Variants in EPS8 observed in about 807,000 individuals in gnomAD.
EPS8 encodes the protein EGFR pathway substrate 8, signaling adaptor.
A neutral mutation model predicts 103.8 loss-of-function variants in EPS8; 42 were observed. That is an observed-to-expected ratio of 0.40 (90% CI 0.32 to 0.52). EPS8 has a LOEUF of 0.52. Ranked by LOEUF, EPS8 falls within the 20% of genes least tolerant of loss-of-function variation. The probability of loss-of-function intolerance (pLI) is 0.40; values close to 1 mark genes in which losing one functional copy is unlikely to be tolerated. For missense variants in EPS8, 969 were observed against 1,005.1 expected (o/e 0.96, Z 0.49); for synonymous variants, 344 against 344.6 (o/e 1.00, Z 0.02).
intron 1 of EPS8, among the ~76,000 whole-genome samples, chr12:15,726,965 C>G (rs1428749091): frequency 6.6e-6 from 1 of 152,118 alleles, no homozygotes; most frequent in African/African-American, 2.4e-5. Context: ...GGAAAAGACA[C>G]AGCATAACCA....
intron 15 of EPS8, among the ~76,000 whole-genome samples, chr12:15,643,271 G>T (rs1243628818): frequency 6.6e-6 from 1 of 151,990 alleles, no homozygotes; most frequent in Non-Finnish European, 1.5e-5. Flanking sequence ...GAGAGTTAAG[G>T]GTCTATAACA....
intron 8 of EPS8, among the ~76,000 whole-genome samples, chr12:15,663,935 A>ATAATAAT (rs1248656121): frequency 0.01 from 111 of 11,030 alleles, 1 homozygote; most frequent in Middle Eastern, 0.071. Flanking sequence ...AAAAAAAAAA[A>ATAATAAT]AAAAAAAAAA....
chr12:15,715,146 C>T (rs779607178), intron 1 of EPS8, among the ~76,000 whole-genome samples: 2 of 152,208 alleles, frequency 1.3e-5, no homozygotes, highest in African/African-American at 2.4e-5. Flanking sequence ...CAGTATCACA[C>T]TCCCTTCCCA....
At chr12:15,645,829 C>G (rs1057341598) in intron 15 of EPS8, among the ~76,000 whole-genome samples, 1 of 152,040 alleles carries the variant, frequency 6.6e-6, no homozygotes, top group Non-Finnish European at 1.5e-5. Flanking sequence ...TCAAATGGAA[C>G]CTGATAAAAG....
chr12:15,659,980 T>C (rs1199858719), intron 10 of EPS8, among the ~76,000 whole-genome samples: 2 of 152,196 alleles, frequency 1.3e-5, no homozygotes, highest in East Asian at 3.8e-4. Flanking sequence ...TAAATCCAAC[T>C]ACAAGAATAG....
chr12:15,638,417 C>A (rs1945172816), intron 17 of EPS8, among the ~76,000 whole-genome samples: 1 of 151,986 alleles, frequency 6.6e-6, no homozygotes, highest in African/African-American at 2.4e-5. Context: ...TTGAGCTCAG[C>A]CCAAAATTTT....
intron 14 of EPS8, 92 bp from the exon 15 acceptor site, chr12:15,647,352 G>C: frequency 8.8e-7 from 1 of 1,133,672 alleles, no homozygotes; most frequent in Non-Finnish European, 1.2e-6. Context: ...ACTATATTGT[G>C]ATAAGTTTTC....
intron 1 of EPS8, among the ~76,000 whole-genome samples, chr12:15,724,721 T>G (rs1340962156): frequency 2.0e-5 from 3 of 152,188 alleles, no homozygotes; most frequent in African/African-American, 7.2e-5. Context: ...TCAAGAGATC[T>G]GACAGTTTTA....
chr12:15,635,731 G>C (rs374908830), intron 17 of EPS8, among the ~76,000 whole-genome samples: 2 of 152,084 alleles, frequency 1.3e-5, no homozygotes, highest in African/African-American at 4.8e-5. Context: ...TCTATTTCAT[G>C]ACCAAGCAAA....
chr12:15,742,616 T>C (rs1258427871), intron 1 of EPS8, among the ~76,000 whole-genome samples: 1 of 152,042 alleles, frequency 6.6e-6, no homozygotes, highest in Non-Finnish European at 1.5e-5. Flanking sequence ...CATACACAAA[T>C]CAATAAATGT....
intron 3 of EPS8, among the ~76,000 whole-genome samples, chr12:15,673,921 A>G (rs549074394): frequency 6.6e-6 from 1 of 152,166 alleles, no homozygotes; most frequent in African/African-American, 2.4e-5. Context: ...GTGTTTCACT[A>G]TTTTGTCTAT....
intron 12 of EPS8, among the ~76,000 whole-genome samples, chr12:15,655,367 T>C (rs1395094536): frequency 6.6e-6 from 1 of 152,234 alleles, no homozygotes; most frequent in Admixed American, 6.5e-5. Context: ...ACTATTACAC[T>C]GTAATTTATG....
At position 15,688,565 on chromosome 12, in the gene EPS8, T is replaced by A. The variant is rs1013402916; in HGVS notation, c.-21-5593A>T. 2.6e-5 allele frequency among the ~76,000 whole-genome samples: 4 copies of A among 152,004 alleles called. No individual in the cohort carries two copies. On this transcript the variant is annotated intron_variant, in intron 1 of 20. Coordinates refer to ENST00000281172, the MANE Select transcript of EPS8 (RefSeq NM_004447.6). The surrounding 1 kb of genome is among the most constrained non-coding windows in gnomAD (Gnocchi z 5.1). The stretch of plus-strand genomic sequence containing the variant: ...GCAGCTGGACATTGAGAGGGGCACA[T>A]CGGCAGAGGAACACACCAACAGGCA...
Position 15,757,349 on chromosome 12 carries a change from G to C in EPS8, c.-22+31812C>G, listed in dbSNP as rs180823126. On this transcript the variant is annotated intron_variant, in intron 1 of 20. Transcript: ENST00000281172. The surrounding 1 kb of genome is among the most constrained non-coding windows in gnomAD (Gnocchi z 4.1). ...GGTATTTATTTAAGATGAAGAGATG[G>C]GCCAGGCACAGTGGCTCACACCTGG... Among the ~76,000 whole-genome samples, 2 of 152,158 alleles carry C rather than the reference G, an allele frequency of 1.3e-5. No individual in the cohort carries two copies. Among genetic ancestry groups the C allele is most frequent in the East Asian group, 1.9e-4 (1 of 5,176 alleles).
At position 15,681,317 on chromosome 12, in the gene EPS8, AT is replaced by A; in HGVS notation, c.60-16del. On this transcript the variant is annotated splice_polypyrimidine_tract_variant and intron_variant, in intron 2 of 20. Coordinates refer to ENST00000281172, the MANE Select transcript of EPS8 (RefSeq NM_004447.6). Reference sequence around the variant, plus strand: ...ATCCGTAGCCACTGTAATAATAATAATAATAATAATAATAATAATATAAAAA... The same window carrying A: ...ATCCGTAGCCACTGTAATAATAATAAAATAATAATAATAATAATATAAAAA... 1.0e-6 allele frequency: 1 copy of A among 984,714 alleles called. No homozygotes were observed. The highest frequency in any genetic ancestry group is 3.3e-5 in the Admixed American group (1 of 30,582). 61.0% of individuals were successfully genotyped at this position (984,714 alleles called of 1,614,324 possible).
chr12:15,736,122 A>T lies in EPS8; in HGVS notation c.-22+53039T>A, dbSNP rs1946764494. On this transcript the variant is annotated intron_variant, in intron 1 of 20. Transcript: ENST00000281172. The surrounding 1 kb of genome is among the most constrained non-coding windows in gnomAD (Gnocchi z 4.2). ...GGCTAGTCTCAAACTCCTGAGCTCA[A>T]GCAATCCTCCTGCCTCAGCCTGCTA... is the stretch of plus-strand genomic sequence containing the variant. Among the ~76,000 whole-genome samples the T allele has an allele frequency of 6.6e-6, 1 of 152,184 alleles. No homozygotes were observed. Among genetic ancestry groups the T allele is most frequent in the Non-Finnish European group, 1.5e-5 (1 of 68,020 alleles).
At chr12:15,722,328 C>T (rs940388550) in intron 1 of EPS8, among the ~76,000 whole-genome samples, 8 of 152,070 alleles carry the variant, frequency 5.3e-5, no homozygotes, top group African/African-American at 1.9e-4. Flanking sequence ...ACAATTACCC[C>T]CCCCAAAAAT....
rs1367195432 is a variant in EPS8 at position 15,662,016 on chromosome 12, C to T, written c.810+10G>A. On this transcript the variant is annotated intron_variant, in intron 9 of 20. Coordinates refer to ENST00000281172, the MANE Select transcript of EPS8 (RefSeq NM_004447.6). ...AAAGCCAGTGATCTAAAGGCGACTC[C>T]TGTACTTACCACATCTCTGTCAATG... 8 of 1,608,690 alleles carry T rather than the reference C, an allele frequency of 5.0e-6. No individual in the cohort carries two copies. The highest frequency in any genetic ancestry group is 1.3e-5 in the African/African-American group (1 of 74,786).
In EPS8 at chr12:15,777,237, C is replaced by T. The variant is rs1277139493; in HGVS notation, c.-22+11924G>A. On this transcript the variant is annotated intron_variant, in intron 1 of 20. Transcript: ENST00000281172. The surrounding 1 kb of genome is among the most constrained non-coding windows in gnomAD (Gnocchi z 4.7). Reference sequence around the variant, plus strand: ...TATTTTAATTCAAATTCTAAAATTCCCTACAGTGATAAGGGGTACTTACAA... The same window carrying T: ...TATTTTAATTCAAATTCTAAAATTCTCTACAGTGATAAGGGGTACTTACAA... 6.6e-6 allele frequency among the ~76,000 whole-genome samples: 1 copy of T among 151,188 alleles called. No homozygotes were observed. The highest frequency in any genetic ancestry group is 2.4e-5 in the African/African-American group (1 of 41,082).
Sources: gnomAD v4.1 joint callset for allele counts (sites outside exome capture counted in the v4.1 genomes callset) on GRCh38, gnomAD v4.1.1 for gene constraint, Gnocchi (gnomAD v3.1) non-coding constraint, MANE v1.5 for transcripts, NCBI Gene and HGNC (gene_info 2026-07-23, HGNC 2026-07-21) for gene names.